The following PLEKHG5 variants were observed in gnomAD, a reference collection of about 807,000 sequenced individuals.
The protein encoded by PLEKHG5 is pleckstrin homology domain-containing family G member 5.
Under a neutral mutation model 103.8 loss-of-function variants are expected in PLEKHG5, and 52 were observed. The ratio of observed to expected loss-of-function variants is 0.50; its 90% CI spans 0.40 to 0.63. PLEKHG5 has a LOEUF of 0.63. PLEKHG5 is among the 30% of genes least tolerant of loss of function. PLEKHG5 has a pLI of 0.00. For synonymous variants in PLEKHG5, 592 were observed against 575.5 expected (o/e 1.03, Z -0.41); for missense variants, 1,205 against 1,347.6 (o/e 0.89, Z 1.66).
intron 1 of PLEKHG5, chr1:6,485,584 C>G (rs1469596816): frequency 4.0e-5 from 34 of 842,758 alleles, no homozygotes; most frequent in Non-Finnish European, 5.2e-5. Context: ...CCCCAGCCCC[C>G]CAGGAAGGCG....
intron 1 of PLEKHG5, among the ~76,000 whole-genome samples, chr1:6,503,972 T>A (rs939942265): frequency 6.6e-6 from 1 of 152,206 alleles, no homozygotes; most frequent in Non-Finnish European, 1.5e-5. Context: ...GGCCTGCCTC[T>A]GCAGACGGCG....
Position 6,472,949 on chromosome 1 carries a change from G to C in PLEKHG5, c.984+37C>G, listed in dbSNP as rs752863647. 3.8e-6 allele frequency: 6 copies of C among 1,593,752 alleles called. No homozygotes were observed. The South Asian group carries it at 5.5e-5, about 15-fold the overall frequency. On this transcript the variant is annotated intron_variant, in intron 9 of 20. Transcript: ENST00000377728. ...TCCTCCCGAGGGCTGTCCTCCTTTC[G>C]GGACAAGGAGGGAGCAGCACTGTGG...
upstream of PLEKHG5, among the ~76,000 whole-genome samples, chr1:6,500,280 G>A (rs1569984872): frequency 2.0e-5 from 3 of 152,174 alleles, no homozygotes; most frequent in Admixed American, 6.5e-5. Context: ...GATTGTTGGG[G>A]AGCAGGAAAA....
At chr1:6,496,965 C>T, upstream of PLEKHG5, 1 of 1,529,926 alleles carries the variant, frequency 6.5e-7, no homozygotes, top group Non-Finnish European at 8.7e-7. Context: ...TTACGCCCTG[C>T]ATCGCTCCCT....
intron 6 of PLEKHG5, 126 bp from the exon 7 acceptor site, chr1:6,474,290 C>T: frequency 3.7e-6 from 5 of 1,350,622 alleles, no homozygotes; most frequent in Non-Finnish European, 5.2e-6. Context: ...CCCGCCCTGC[C>T]AGCACCCTCC....
intron 1 of PLEKHG5, among the ~76,000 whole-genome samples, chr1:6,489,716 G>A (rs1645110790): frequency 1.3e-5 from 2 of 152,184 alleles, no homozygotes; most frequent in Admixed American, 1.3e-4. Context: ...GACCTGGTCT[G>A]GAGCCTACGT....
upstream of PLEKHG5, among the ~76,000 whole-genome samples, chr1:6,492,164 G>T (rs887720359): frequency 3.3e-5 from 5 of 152,216 alleles, no homozygotes; most frequent in Middle Eastern, 3.2e-3. Context: ...AGGTTTCTGT[G>T]CCAGGCGCTA....
intron 1 of PLEKHG5, among the ~76,000 whole-genome samples, chr1:6,518,677 T>A (rs372317595): frequency 6.6e-6 from 1 of 152,156 alleles, no homozygotes; most frequent in African/African-American, 2.4e-5. Flanking sequence ...AGACCATCCT[T>A]GCCAGGGGCG....
At chr1:6,495,052 G>A (rs1645202809), upstream of PLEKHG5, among the ~76,000 whole-genome samples, 1 of 152,242 alleles carries the variant, frequency 6.6e-6, no homozygotes, top group Non-Finnish European at 1.5e-5. Context: ...GACCCCCCCT[G>A]AGAGCAGCTG....
rs760139855 is a variant in PLEKHG5, at chr1:6,475,950, T to TCTCCTC, written c.124_129dup (p.Glu42_Glu43dup). On this transcript the variant is annotated inframe_insertion, in exon 3 of 21. Coordinates refer to ENST00000377728, the MANE Select transcript of PLEKHG5 (RefSeq NM_020631.6). ...ACCTACCCTTTGCCATCCACAGAGCTCTCCTCCTCCTCCTCCTCCAAGTCC... is the reference window on the plus strand; with the variant it reads ...ACCTACCCTTTGCCATCCACAGAGCTCTCCTCCTCCTCCTCCTCCTCCTCCAAGTCC... 13 of 1,612,208 alleles carry TCTCCTC rather than the reference T, an allele frequency of 8.1e-6. No individual in the cohort carries two copies. Among genetic ancestry groups the TCTCCTC allele is most frequent in the Non-Finnish European group, 1.1e-5 (13 of 1,178,626 alleles).
At chr1:6,493,730 A>G (rs184404516), upstream of PLEKHG5, among the ~76,000 whole-genome samples, 376 of 152,088 alleles carry the variant, frequency 2.5e-3, 6 homozygotes, top group East Asian at 0.015. Context: ...ATCTCAGCTC[A>G]CTGCAACCTC....
upstream of PLEKHG5, among the ~76,000 whole-genome samples, chr1:6,499,016 T>C (rs1569982999): frequency 3.3e-5 from 5 of 152,336 alleles, no homozygotes; most frequent in East Asian, 9.6e-4. Context: ...CACGGGGACC[T>C]GGAGCCCTCA....
chr1:6,477,794 C>G, intron 1 of PLEKHG5, 136 bp from the exon 2 acceptor site: 2 of 787,354 alleles, frequency 2.5e-6, no homozygotes, highest in Non-Finnish European at 4.1e-6. Context: ...CCCCAGCAGT[C>G]CCCCCTCTCC....
At chr1:6,500,309 T>G (rs1317939674), upstream of PLEKHG5, among the ~76,000 whole-genome samples, 5 of 151,878 alleles carry the variant, frequency 3.3e-5, no homozygotes, top group African/African-American at 1.2e-4. Flanking sequence ...AGCCCCTCAG[T>G]GGAAATCACC....
intron 1 of PLEKHG5, chr1:6,519,398 G>T: frequency 7.0e-7 from 1 of 1,435,026 alleles, no homozygotes; most frequent in Non-Finnish European, 9.8e-7. Context: ...TTCACTCTGT[G>T]TCCTCAAACC....
intron 12 of PLEKHG5, 32 bp downstream of exon 12, chr1:6,471,456 G>C: frequency 6.3e-7 from 1 of 1,599,838 alleles, no homozygotes; most frequent in Non-Finnish European, 8.5e-7. Context: ...CCCTGCCTCA[G>C]TGCCCCCGCC....
intron 1 of PLEKHG5, among the ~76,000 whole-genome samples, chr1:6,480,774 A>C (rs1644878457): frequency 6.6e-6 from 1 of 151,454 alleles, no homozygotes; most frequent in South Asian, 2.1e-4. Context: ...TCACCGTCCC[A>C]AGTAGCTGGG....
intron 11 of PLEKHG5, 44 bp from the exon 12 acceptor site, chr1:6,471,681 G>C: frequency 2.5e-6 from 4 of 1,572,040 alleles, no homozygotes; most frequent in Non-Finnish European, 3.4e-6. Context: ...CCTCCGCCAG[G>C]TTAGCCCCGC....
chr1:6,494,591 C>T (rs1173255543), upstream of PLEKHG5, among the ~76,000 whole-genome samples: 1 of 152,168 alleles, frequency 6.6e-6, no homozygotes, highest in African/African-American at 2.4e-5. Flanking sequence ...TCATCATCGA[C>T]AATGTTATTC....
Sources: gnomAD v4.1 joint callset for allele counts (sites outside exome capture counted in the v4.1 genomes callset) on GRCh38, gnomAD v4.1.1 for gene constraint, MANE v1.5 for transcripts, NCBI Gene and HGNC (gene_info 2026-07-23, HGNC 2026-07-21) for gene names.